Variants in ANXA8 observed in about 807,000 individuals in gnomAD.
ANXA8 encodes the protein VAC-beta.
ANXA8 carries 9 observed loss-of-function variants against 26.8 expected under a neutral mutation model. The observed-to-expected ratio is 0.34, with a 90% CI of 0.20 to 0.59. The LOEUF (loss-of-function observed/expected upper bound fraction) is 0.59. Ranked by LOEUF, ANXA8 falls within the 20% of genes least tolerant of loss-of-function variation. The probability of loss-of-function intolerance (pLI) is 0.84; values close to 1 mark genes in which losing one functional copy is unlikely to be tolerated. For synonymous variants in ANXA8, 39 were observed against 94.8 expected, an observed-to-expected ratio of 0.41 and a Z score of 3.42; for missense variants, 83 against 238.5, an observed-to-expected ratio of 0.35 and a Z score of 4.29.
At chr10:47,982,257 T>C in the ANXA8 span, among the ~76,000 whole-genome samples, 1 of 148,810 alleles carries the variant, frequency 6.7e-6, no homozygotes, top group African/African-American at 2.4e-5. Flanking sequence ...GGCACTGCAC[T>C]CCAGCCTGGG....
At chr10:47,902,173 T>G in the ANXA8 span, among the ~76,000 whole-genome samples, 2 of 151,888 alleles carry the variant, frequency 1.3e-5, no homozygotes, top group Non-Finnish European at 2.9e-5. Flanking sequence ...GCCTTAAAGT[T>G]AAATAAATGG....
chr10:47,658,245 G>GTA, the ANXA8 span, among the ~76,000 whole-genome samples: 1 of 151,412 alleles, frequency 6.6e-6, no homozygotes, highest in South Asian at 2.1e-4. Flanking sequence ...GCACGCACCT[G>GTA]TAGTCCCAAC....
the ANXA8 span, among the ~76,000 whole-genome samples, chr10:47,932,797 A>C: frequency 1.3e-5 from 1 of 76,628 alleles, no homozygotes; most frequent in Non-Finnish European, 2.4e-5. Context: ...TCCATCTGCA[A>C]CCCAGGAAGA....
chr10:47,937,379 C>T, the ANXA8 span, among the ~76,000 whole-genome samples: 3 of 149,374 alleles, frequency 2.0e-5, no homozygotes, highest in Non-Finnish European at 4.5e-5. Flanking sequence ...AGAATTTGTG[C>T]TCTTCTAAGA....
At chr10:47,554,186 CTGTGGT>C in the ANXA8 span, among the ~76,000 whole-genome samples, 1 of 134,710 alleles carries the variant, frequency 7.4e-6, no homozygotes, top group African/African-American at 2.9e-5. Flanking sequence ...CCTGTGGTCC[CTGTGGT>C]CCCTGTGGTC....
At chr10:47,654,009 G>C in the ANXA8 span, among the ~76,000 whole-genome samples, 3 of 151,580 alleles carry the variant, frequency 2.0e-5, no homozygotes, top group Non-Finnish European at 4.4e-5. Context: ...GGGAAATAGA[G>C]TAGGGTCCAG....
At chr10:47,687,899 CGA>C in the ANXA8 span, among the ~76,000 whole-genome samples, 1 of 151,610 alleles carries the variant, frequency 6.6e-6, no homozygotes, top group Non-Finnish European at 1.5e-5. Context: ...CAGGAGTTTG[CGA>C]CCAGCCTGGC....
At chr10:47,625,872 C>T in the ANXA8 span, among the ~76,000 whole-genome samples, 1 of 150,870 alleles carries the variant, frequency 6.6e-6, no homozygotes, top group Admixed American at 6.6e-5. Flanking sequence ...GACATCTCTG[C>T]AATTTCCCCA....
At chr10:47,694,720 A>G in the ANXA8 span, among the ~76,000 whole-genome samples, 1 of 152,026 alleles carries the variant, frequency 6.6e-6, no homozygotes, top group South Asian at 2.1e-4. Flanking sequence ...CGCCCGGCCC[A>G]TACTGAAAAA....
chr10:47,924,704 C>A, the ANXA8 span, among the ~76,000 whole-genome samples: 2 of 151,828 alleles, frequency 1.3e-5, no homozygotes, highest in East Asian at 3.9e-4. Context: ...CAGCTCCCTT[C>A]CTGGAGCTGT....
chr10:47,948,867 T>C, the ANXA8 span, among the ~76,000 whole-genome samples: 1 of 151,622 alleles, frequency 6.6e-6, no homozygotes, highest in South Asian at 2.1e-4. Flanking sequence ...CTTCATCAAA[T>C]CTATTGAAGA....
At chr10:47,485,999 T>G (rs1217128480), upstream of ANXA8, among the ~76,000 whole-genome samples, 2 of 151,556 alleles carry the variant, frequency 1.3e-5, no homozygotes, top group African/African-American at 4.9e-5. Context: ...TCCCAGCTAC[T>G]GGGGAGGCTG....
At chr10:47,766,018 T>C in the ANXA8 span, among the ~76,000 whole-genome samples, 1 of 150,908 alleles carries the variant, frequency 6.6e-6, no homozygotes, top group Non-Finnish European at 1.5e-5. Context: ...CCCCTCGTCC[T>C]CATGGTCCTT....
At chr10:47,939,103 G>A in the ANXA8 span, among the ~76,000 whole-genome samples, 2 of 145,456 alleles carry the variant, frequency 1.4e-5, 1 homozygote, top group Non-Finnish European at 3.0e-5. Context: ...TCACTTCTGT[G>A]ACTGCTGAAA....
the ANXA8 span, among the ~76,000 whole-genome samples, chr10:47,716,117 GCCCA>G: frequency 2.0e-4 from 29 of 141,862 alleles, no homozygotes; most frequent in Admixed American, 3.5e-4. Flanking sequence ...TCCCTATGTT[GCCCA>G]GTCTGGTCTC....
the ANXA8 span, among the ~76,000 whole-genome samples, chr10:47,727,422 G>T: frequency 1.2e-4 from 18 of 152,336 alleles, no homozygotes; most frequent in Admixed American, 9.1e-4. Flanking sequence ...AAGCTGATGA[G>T]CTAATCTGGT....
the ANXA8 span, among the ~76,000 whole-genome samples, chr10:47,540,619 G>A: frequency 8.4e-6 from 1 of 119,308 alleles, no homozygotes; most frequent in Non-Finnish European, 1.7e-5. Flanking sequence ...CAGAAAGTAA[G>A]AAATGCTCAA....
chr10:47,510,801 G>A, the ANXA8 span, among the ~76,000 whole-genome samples: 14 of 95,402 alleles, frequency 1.5e-4, 1 homozygote, highest in South Asian at 4.9e-3. Flanking sequence ...CTGCACTCCA[G>A]GCCGGGAGAC....
chr10:47,939,219 C>T, the ANXA8 span, among the ~76,000 whole-genome samples: 3 of 142,722 alleles, frequency 2.1e-5, no homozygotes, highest in Admixed American at 1.4e-4. Context: ...AGGAGAATCA[C>T]TTGAACCCAG....
Sources: allele counts gnomAD v4.1 joint callset (sites outside exome capture counted in the v4.1 genomes callset), GRCh38; gene constraint gnomAD v4.1.1; transcripts MANE v1.5; gene names NCBI Gene and HGNC (gene_info 2026-07-23, HGNC 2026-07-21).